The following PRMT8 variants were observed in gnomAD, a reference collection of about 807,000 sequenced individuals.
The protein encoded by PRMT8 is protein arginine methyltransferase 8, also known as protein arginine N-methyltransferase 8.
PRMT8 carries 7 observed loss-of-function variants against 47.1 expected under a neutral mutation model. The ratio of observed to expected loss-of-function variants is 0.15; its 90% CI spans 0.08 to 0.28. PRMT8 has a LOEUF of 0.28. PRMT8 is among the 10% of genes least tolerant of loss of function. The probability of loss-of-function intolerance (pLI) is 1.00; values close to 1 mark genes in which losing one functional copy is unlikely to be tolerated. For missense variants in PRMT8, 237 were observed against 505.4 expected (o/e 0.47, Z 5.09); for synonymous variants, 188 against 186.5 (o/e 1.01, Z -0.07).
chr12:3,528,633 G>A (rs78208766), intron 1 of PRMT8, among the ~76,000 whole-genome samples: 3,713 of 151,160 alleles, frequency 0.025, 47 homozygotes, highest in East Asian at 0.077. Flanking sequence ...ATCATTTCTC[G>A]GTTCAGTTTT....
At chr12:3,443,521 C>T (rs551182125) in intron 1 of PRMT8, among the ~76,000 whole-genome samples, 1 of 152,258 alleles carries the variant, frequency 6.6e-6, no homozygotes, top group South Asian at 2.1e-4. Context: ...CGAATGGATA[C>T]ACTTCCCTCC....
intron 8 of PRMT8, among the ~76,000 whole-genome samples, chr12:3,590,548 G>A (rs1272540884): frequency 6.6e-6 from 1 of 151,462 alleles, no homozygotes; most frequent in East Asian, 1.9e-4. Flanking sequence ...AAGGCCACAT[G>A]TAAGTCTTTC....
intron 1 of PRMT8, among the ~76,000 whole-genome samples, chr12:3,473,254 G>T (rs1156431752): frequency 6.6e-6 from 1 of 151,994 alleles, no homozygotes; most frequent in Non-Finnish European, 1.5e-5. Context: ...AACCCCTTGG[G>T]CTGAAATCCC....
intron 1 of PRMT8, among the ~76,000 whole-genome samples, chr12:3,430,225 G>T (rs913393149): frequency 5.9e-5 from 9 of 152,294 alleles, no homozygotes; most frequent in Non-Finnish European, 1.3e-4. Flanking sequence ...AGAACAGGAA[G>T]GGATTTTCAC....
At chr12:3,467,527 G>C (rs1865113650) in intron 1 of PRMT8, among the ~76,000 whole-genome samples, 2 of 152,080 alleles carry the variant, frequency 1.3e-5, no homozygotes, top group Non-Finnish European at 2.9e-5. Context: ...TCTACCCTTA[G>C]CTGTGGAAAC....
chr12:3,420,027 G>C (rs1481720333), intron 1 of PRMT8, among the ~76,000 whole-genome samples: 1 of 33,968 alleles, frequency 2.9e-5, no homozygotes, highest in African/African-American at 8.1e-5. Flanking sequence ...GAGAGAGAGA[G>C]AGACAGACAG....
intron 1 of PRMT8, among the ~76,000 whole-genome samples, chr12:3,397,517 C>A (rs1439755129): frequency 1.3e-5 from 2 of 151,230 alleles, no homozygotes; most frequent in African/African-American, 4.9e-5. Flanking sequence ...CCCAGTTAGG[C>A]TGCTCGGGGG....
chr12:3,589,493 C>T (rs1019827524), intron 8 of PRMT8, among the ~76,000 whole-genome samples: 1 of 152,140 alleles, frequency 6.6e-6, no homozygotes, highest in East Asian at 1.9e-4. Flanking sequence ...AGATGCACTG[C>T]GATTCAGCCA....
At chr12:3,480,978 G>T (rs1181364704) in intron 1 of PRMT8, among the ~76,000 whole-genome samples, 1 of 152,250 alleles carries the variant, frequency 6.6e-6, no homozygotes, top group African/African-American at 2.4e-5. Context: ...AAGAGGTGGT[G>T]GCGGTCTAGA....
At chr12:3,497,604 A>G (rs151268688) in intron 1 of PRMT8, among the ~76,000 whole-genome samples, 317 of 152,330 alleles carry the variant, frequency 2.1e-3, no homozygotes, top group Non-Finnish European at 3.5e-3. Flanking sequence ...GACTTCTAAT[A>G]GGAATAGCTA....
chr12:3,431,910 CA>C (rs1864683484), intron 1 of PRMT8, among the ~76,000 whole-genome samples: 3 of 152,176 alleles, frequency 2.0e-5, no homozygotes. Flanking sequence ...TCGCTGGCAG[CA>C]GCAAGGAGGG....
At chr12:3,573,161 T>C (rs2137213197) in intron 6 of PRMT8, among the ~76,000 whole-genome samples, 1 of 152,328 alleles carries the variant, frequency 6.6e-6, no homozygotes, top group East Asian at 1.9e-4. Context: ...GCTTGGATCC[T>C]CTATTTTTTT....
chr12:3,420,922 G>A (rs1309326796), intron 1 of PRMT8, among the ~76,000 whole-genome samples: 1 of 152,220 alleles, frequency 6.6e-6, no homozygotes, highest in Non-Finnish European at 1.5e-5. Flanking sequence ...CGTGGGGAAG[G>A]GTGAAGCCCT....
intron 1 of PRMT8, among the ~76,000 whole-genome samples, chr12:3,389,775 G>C (rs1325475562): frequency 6.6e-6 from 1 of 152,242 alleles, no homozygotes; most frequent in Non-Finnish European, 1.5e-5. Flanking sequence ...CCATTACTCA[G>C]AACACTCCTG....
At chr12:3,541,336 G>T (rs1262676528) in intron 2 of PRMT8, among the ~76,000 whole-genome samples, 1 of 152,202 alleles carries the variant, frequency 6.6e-6, no homozygotes, top group African/African-American at 2.4e-5. Flanking sequence ...TAGCAGGGAA[G>T]ACTAATGTTG....
At chr12:3,475,446 G>A (rs146521577) in intron 1 of PRMT8, among the ~76,000 whole-genome samples, 1 of 152,332 alleles carries the variant, frequency 6.6e-6, no homozygotes, top group East Asian at 1.9e-4. Context: ...AGGACAGAGA[G>A]TCTCAGAACA....
chr12:3,576,676 G>A lies in PRMT8; in HGVS notation c.713-195G>A, dbSNP rs964467962. ...AAAGTGGGACTTACCTTTTCCCGAG[G>A]TAGAAATGGAAATGGGAGTGAGCAT... On this transcript the variant is annotated intron_variant, in intron 6 of 9. Coordinates refer to ENST00000382622, the MANE Select transcript of PRMT8 (RefSeq NM_019854.5). The surrounding 1 kb of genome is among the most constrained non-coding windows in gnomAD (Gnocchi z 4.0). Among the ~76,000 whole-genome samples, 1 of 152,168 alleles carries A rather than the reference G, an allele frequency of 6.6e-6. No homozygotes were observed. Among genetic ancestry groups the A allele is most frequent in the African/African-American group, 2.4e-5 (1 of 41,440 alleles).
intron 1 of PRMT8, among the ~76,000 whole-genome samples, chr12:3,474,088 T>C (rs1196606096): frequency 6.6e-6 from 1 of 152,294 alleles, no homozygotes; most frequent in South Asian, 2.1e-4. Flanking sequence ...CAAATGCAAA[T>C]TGGCTCATGC....
chr12:3,490,675 A>AAGAGAGAGAGAGAGAGAGAGAGAGAGAG (rs370069857), upstream of PRMT8, among the ~76,000 whole-genome samples: 87 of 121,146 alleles, frequency 7.2e-4, no homozygotes, highest in Non-Finnish European at 9.2e-4. Flanking sequence ...TTTGGGTACA[A>AAGAGAGAGAGAGAGAGAGAGAGAGAGAG]AGAGAGAGAG....
Sources: allele counts gnomAD v4.1 joint callset (sites outside exome capture counted in the v4.1 genomes callset), GRCh38; gene constraint gnomAD v4.1.1; non-coding constraint Gnocchi (gnomAD v3.1); transcripts MANE v1.5; gene names NCBI Gene and HGNC (gene_info 2026-07-23, HGNC 2026-07-21).